RAPGEF5: variants seen among roughly 807,000 people sequenced by gnomAD.
RAPGEF5 encodes the protein Rap guanine nucleotide exchange factor 5, also known as M-Ras-regulated GEF.
RAPGEF5 carries 65 observed loss-of-function variants against 125.2 expected under a neutral mutation model. The ratio of observed to expected loss-of-function variants is 0.52; its 90% CI spans 0.43 to 0.64. The LOEUF (loss-of-function observed/expected upper bound fraction) is 0.64. Ranked by LOEUF, RAPGEF5 falls within the 30% of genes least tolerant of loss-of-function variation. The pLI, the probability that RAPGEF5 is intolerant of heterozygous loss-of-function variation, is 0.00. For synonymous variants in RAPGEF5, 391 were observed against 385.9 expected (o/e 1.01, Z -0.16); for missense variants, 958 against 1,048.1 (o/e 0.91, Z 1.19).
At chr7:22,204,428 C>G (rs181700350) in intron 9 of RAPGEF5, among the ~76,000 whole-genome samples, 2 of 152,200 alleles carry the variant, frequency 1.3e-5, no homozygotes, top group African/African-American at 4.8e-5. Context: ...CAATGAGCAT[C>G]TGCATGTGTG....
chr7:22,291,155 G>A lies in RAPGEF5; in HGVS notation c.747+20C>T. On this transcript the variant is annotated intron_variant, in intron 6 of 25. Coordinates refer to ENST00000665637, the MANE Select transcript of RAPGEF5 (RefSeq NM_012294.5). Reference sequence around the variant, plus strand: ...TTCATTATTTCTGCACCCCTAGGCAGGAAAATTGCATGGTCTTACCGCAGA... The same window carrying A: ...TTCATTATTTCTGCACCCCTAGGCAAGAAAATTGCATGGTCTTACCGCAGA... The A allele has an allele frequency of 2.6e-6, 4 of 1,568,562 alleles. No individual in the cohort carries two copies. The highest frequency in any genetic ancestry group is 3.4e-6 in the Non-Finnish European group (4 of 1,160,416).
At chr7:22,157,241 A>G (rs1387238685) in intron 15 of RAPGEF5, among the ~76,000 whole-genome samples, 1 of 152,178 alleles carries the variant, frequency 6.6e-6, no homozygotes, top group Non-Finnish European at 1.5e-5. Context: ...AGTTATCACA[A>G]TCCGATCCTC....
At chr7:22,310,472 G>C (rs1468320301) in intron 3 of RAPGEF5, among the ~76,000 whole-genome samples, 2 of 152,174 alleles carry the variant, frequency 1.3e-5, no homozygotes, top group Admixed American at 1.3e-4. Flanking sequence ...AAATATATTT[G>C]TTTGAAAAAC....
intron 18 of RAPGEF5, among the ~76,000 whole-genome samples, chr7:22,149,404 T>C (rs1783547042): frequency 1.3e-5 from 2 of 152,186 alleles, no homozygotes; most frequent in African/African-American, 4.8e-5. Flanking sequence ...CATGAAGAGA[T>C]GGGGACTCTG....
intron 9 of RAPGEF5, among the ~76,000 whole-genome samples, chr7:22,195,525 G>A (rs1332731594): frequency 6.6e-6 from 1 of 152,088 alleles, no homozygotes; most frequent in Admixed American, 6.5e-5. Context: ...TTTCAGCAAG[G>A]TCAGACGCGT....
rs148369701 is a variant in RAPGEF5 at position 22,147,514 on chromosome 7, C to T, written c.1885-495G>A. ...ACATTTACACATTTTATTAAAATGC[C>T]CATAGAAAGTAAAAAAGTTTTAACA... On this transcript the variant is annotated intron_variant, in intron 18 of 25. Coordinates refer to ENST00000665637, the MANE Select transcript of RAPGEF5 (RefSeq NM_012294.5). Among the ~76,000 whole-genome samples, 70 of 152,136 alleles carry T rather than the reference C, an allele frequency of 4.6e-4. No individual in the cohort carries two copies. The East Asian group carries it at 0.01, about 22-fold the overall frequency.
chr7:22,319,160 A>C (rs1306460641), intron 1 of RAPGEF5, among the ~76,000 whole-genome samples: 2 of 152,184 alleles, frequency 1.3e-5, no homozygotes, highest in Admixed American at 6.6e-5. Context: ...GTATTAAAAA[A>C]AGAACAGAGA....
chr7:22,160,654 GC>G (rs1276552036), intron 13 of RAPGEF5, 39 bp from the exon 14 acceptor site: 1 of 1,504,356 alleles, frequency 6.6e-7, no homozygotes, highest in African/African-American at 1.4e-5. Flanking sequence ...GTGGTTGAAT[GC>G]CCATTTTGTA....
intron 16 of RAPGEF5, among the ~76,000 whole-genome samples, chr7:22,156,496 GT>G (rs1336625402): frequency 1.3e-5 from 2 of 152,192 alleles, no homozygotes; most frequent in Non-Finnish European, 2.9e-5. Context: ...GGAGGAGATG[GT>G]TCTAGGAGGA....
rs1782480308 is a variant in RAPGEF5 at position 22,118,789 on chromosome 7, C to T, written c.*3617G>A. ...GTGTGATACGAATACAATAAATAGA[C>T]TATGCAAATAAATATTACTCTGCTA... On this transcript the variant is annotated 3_prime_UTR_variant, in exon 26 of 26. Transcript: ENST00000665637. The T allele has an allele frequency of 6.6e-6, 1 of 152,554 alleles. No individual in the cohort carries two copies. Among genetic ancestry groups the T allele is most frequent in the Non-Finnish European group, 1.5e-5 (1 of 68,028 alleles). 9.5% of individuals were successfully genotyped at this position (152,554 alleles called of 1,614,324 possible).
intron 5 of RAPGEF5, among the ~76,000 whole-genome samples, chr7:22,307,440 G>C (rs1280365173): frequency 6.6e-6 from 1 of 152,022 alleles, no homozygotes; most frequent in Non-Finnish European, 1.5e-5. Context: ...CCTGATTTTT[G>C]GTTCTTATGA....
chr7:22,277,039 C>T (rs571700009), intron 6 of RAPGEF5, among the ~76,000 whole-genome samples: 22 of 152,180 alleles, frequency 1.4e-4, no homozygotes, highest in Non-Finnish European at 3.1e-4. Context: ...TTTCACCTAC[C>T]TAGCCCAGTC....
intron 7 of RAPGEF5, among the ~76,000 whole-genome samples, chr7:22,244,946 T>A (rs1786437334): frequency 6.6e-6 from 1 of 152,240 alleles, no homozygotes; most frequent in Non-Finnish European, 1.5e-5. Context: ...ACCAGCAAAG[T>A]ACAAGGATTA....
At chr7:22,350,684 G>C (rs936183784) in intron 1 of RAPGEF5, among the ~76,000 whole-genome samples, 1 of 152,186 alleles carries the variant, frequency 6.6e-6, no homozygotes, top group African/African-American at 2.4e-5. Context: ...CCAAAGTGTG[G>C]GGGTTGGGAG....
intron 17 of RAPGEF5, among the ~76,000 whole-genome samples, chr7:22,151,744 G>A (rs1783636777): frequency 6.6e-6 from 1 of 152,118 alleles, no homozygotes; most frequent in Admixed American, 6.6e-5. Context: ...AATTACAGGT[G>A]GCAGCCACTG....
intron 1 of RAPGEF5, among the ~76,000 whole-genome samples, chr7:22,335,627 G>A (rs1403406824): frequency 1.3e-5 from 2 of 151,172 alleles, no homozygotes; most frequent in African/African-American, 2.4e-5. Context: ...CTAGGGTGGG[G>A]GGACACACAG....
chr7:22,173,739 G>T lies in RAPGEF5; in HGVS notation c.1205-6591C>A, dbSNP rs114808985. 7.7e-3 allele frequency among the ~76,000 whole-genome samples: 1,171 copies of T among 152,264 alleles called. 20 individuals carry two copies. Among genetic ancestry groups the T allele is most frequent in the African/African-American group, 0.027 (1,128 of 41,550 alleles). On this transcript the variant is annotated intron_variant, in intron 11 of 25. Transcript: ENST00000665637. ...AAAATGTTACTTGGAGGGGCATAGA[G>T]TAATAAACAGGGGGCTTGTCTACCT...
At chr7:22,242,204 C>G (rs1786349204) in intron 7 of RAPGEF5, among the ~76,000 whole-genome samples, 1 of 152,224 alleles carries the variant, frequency 6.6e-6, no homozygotes, top group African/African-American at 2.4e-5. Context: ...ACAGATCAGT[C>G]TTGGCACACA....
intron 23 of RAPGEF5, among the ~76,000 whole-genome samples, chr7:22,133,950 A>T (rs186549415): frequency 1.3e-5 from 2 of 152,318 alleles, no homozygotes; most frequent in Admixed American, 1.3e-4. Context: ...ACTTTCAAAA[A>T]ATGCAATATG....
Sources: allele counts gnomAD v4.1 joint callset (sites outside exome capture counted in the v4.1 genomes callset), GRCh38; gene constraint gnomAD v4.1.1; transcripts MANE v1.5; gene names NCBI Gene and HGNC (gene_info 2026-07-23, HGNC 2026-07-21).